Variants in KDM4C observed in about 807,000 individuals in gnomAD.
KDM4C encodes lysine demethylase 4C, also known as lysine-specific demethylase 4C.
In KDM4C, 81 loss-of-function variants were observed where a neutral mutation model predicts 129.3. The ratio of observed to expected loss-of-function variants is 0.63; its 90% CI spans 0.52 to 0.75. KDM4C has a LOEUF of 0.75. KDM4C is among the 30% of genes least tolerant of loss of function. The probability of loss-of-function intolerance (pLI) is 0.00; values close to 1 mark genes in which losing one functional copy is unlikely to be tolerated. For missense variants in KDM4C, 1,457 were observed against 1,304.0 expected, an observed-to-expected ratio of 1.12 and a Z score of -1.81; for synonymous variants, 573 against 456.1, an observed-to-expected ratio of 1.26 and a Z score of -3.26.
intron 4 of KDM4C, among the ~76,000 whole-genome samples, chr9:6,829,113 A>G (rs1470371095): frequency 6.6e-6 from 1 of 152,210 alleles, no homozygotes; most frequent in Non-Finnish European, 1.5e-5. Flanking sequence ...TTAGCTTGAG[A>G]GTCATGAATG....
At chr9:6,727,804 A>T (rs1588032609) in intron 1 of KDM4C, among the ~76,000 whole-genome samples, 1 of 148,598 alleles carries the variant, frequency 6.7e-6, no homozygotes, top group Non-Finnish European at 1.5e-5. Flanking sequence ...TACTCATAAG[A>T]TTTCAGGGTG....
intron 15 of KDM4C, among the ~76,000 whole-genome samples, chr9:7,019,941 T>C (rs1824485457): frequency 6.6e-6 from 1 of 151,674 alleles, no homozygotes; most frequent in Admixed American, 6.6e-5. Flanking sequence ...ATAGATCAGC[T>C]CTCTTTTTAT....
intron 4 of KDM4C, chr9:6,835,146 C>T (rs918668827): frequency 7.2e-6 from 7 of 974,590 alleles, no homozygotes; most frequent in African/African-American, 4.8e-5. Context: ...TGGCGGCTTC[C>T]AGCTCCTCCC....
chr9:7,162,142 G>A (rs780538062), intron 19 of KDM4C, among the ~76,000 whole-genome samples: 1 of 152,140 alleles, frequency 6.6e-6, no homozygotes, highest in Non-Finnish European at 1.5e-5. Flanking sequence ...GATGAGAATC[G>A]TGCCCCCTGG....
At chr9:7,026,807 G>A (rs796856737) in intron 15 of KDM4C, among the ~76,000 whole-genome samples, 10 of 151,844 alleles carry the variant, frequency 6.6e-5, no homozygotes, top group African/African-American at 1.9e-4. Context: ...CTCTCATTGT[G>A]TATTTTCAAA....
In KDM4C at chr9:7,129,550, G is replaced by C. The variant is rs73403355; in HGVS notation, c.2781+1314G>C. Reference sequence around the variant, plus strand: ...AGTCATCCCTTCAAGCACTCAATCTGCATTCACTGAATACCTGCTGTGTGT... The same window carrying C: ...AGTCATCCCTTCAAGCACTCAATCTCCATTCACTGAATACCTGCTGTGTGT... On this transcript the variant is annotated intron_variant, in intron 19 of 21. Coordinates refer to ENST00000381309, the MANE Select transcript of KDM4C (RefSeq NM_015061.6). Among the ~76,000 whole-genome samples the C allele has an allele frequency of 7.3e-3, 1,104 of 152,102 alleles. 12 individuals are homozygous for C. The highest frequency in any genetic ancestry group is 0.025 in the African/African-American group (1,029 of 41,494).
intron 8 of KDM4C, among the ~76,000 whole-genome samples, chr9:6,965,345 TTATA>T (rs919459072): frequency 7.2e-5 from 11 of 151,742 alleles, no homozygotes; most frequent in African/African-American, 2.7e-4. Flanking sequence ...AATTATAAAT[TTATA>T]TATAGAGAGA....
At chr9:6,926,053 T>C (rs1822448795) in intron 8 of KDM4C, among the ~76,000 whole-genome samples, 1 of 151,998 alleles carries the variant, frequency 6.6e-6, no homozygotes, top group Non-Finnish European at 1.5e-5. Flanking sequence ...TAAAAGCTTG[T>C]GGTCAGTGAA....
chr9:6,746,959 T>C (rs1345009661), intron 1 of KDM4C, among the ~76,000 whole-genome samples: 2 of 131,084 alleles, frequency 1.5e-5, no homozygotes, highest in Non-Finnish European at 3.1e-5. Context: ...TGAGCCGAGA[T>C]TGCCACTGAA....
At chr9:7,033,143 ATTT>A (rs539641712) in intron 15 of KDM4C, among the ~76,000 whole-genome samples, 150 of 137,292 alleles carry the variant, frequency 1.1e-3, no homozygotes, top group Non-Finnish European at 2.0e-3. Context: ...TTTATGCTGG[ATTT>A]TTTTTTTTTT....
intron 2 of KDM4C, among the ~76,000 whole-genome samples, chr9:6,804,150 A>C (rs117553483): frequency 6.6e-6 from 1 of 152,148 alleles, no homozygotes; most frequent in African/African-American, 2.4e-5. Context: ...AATCCTATCA[A>C]TATGTATTTT....
At chr9:7,063,365 A>G (rs1217193083) in intron 17 of KDM4C, among the ~76,000 whole-genome samples, 2 of 152,224 alleles carry the variant, frequency 1.3e-5, no homozygotes, top group Non-Finnish European at 2.9e-5. Flanking sequence ...CTTCCCCATA[A>G]GAACAAAGAG....
In KDM4C at chr9:6,975,898, C is replaced by T. The variant is rs545529182; in HGVS notation, c.922-5027C>T. Among the ~76,000 whole-genome samples the T allele has an allele frequency of 1.7e-4, 26 of 152,200 alleles. 1 individual carries two copies. Among genetic ancestry groups the T allele is most frequent in the Admixed American group, 1.3e-3 (20 of 15,296 alleles). The stretch of plus-strand genomic sequence containing the variant: ...ACTAAAAATACAAAAATTAGCCGAG[C>T]GTGGTGGCACATGCCTGTGATCCCA... On this transcript the variant is annotated intron_variant, in intron 8 of 21. Coordinates refer to ENST00000381309, the MANE Select transcript of KDM4C (RefSeq NM_015061.6).
chr9:6,982,685 C>T (rs1311677092), intron 9 of KDM4C: 1 of 152,222 alleles, frequency 6.6e-6, no homozygotes, highest in African/African-American at 2.4e-5. Context: ...TCAGAATACA[C>T]ACCAGGAGAA....
chr9:6,824,638 CAAA>C (rs144032826), intron 4 of KDM4C, among the ~76,000 whole-genome samples: 1 of 127,068 alleles, frequency 7.9e-6, no homozygotes, highest in Admixed American at 7.9e-5. Context: ...GACTCCGTCT[CAAA>C]AAAAAAAAAA....
chr9:6,875,849 C>G (rs1843467111), intron 5 of KDM4C, among the ~76,000 whole-genome samples: 1 of 152,186 alleles, frequency 6.6e-6, no homozygotes, highest in African/African-American at 2.4e-5. Context: ...CAGCACCTAT[C>G]TCCTGAATTG....
intron 8 of KDM4C, chr9:6,925,572 T>C: frequency 4.1e-6 from 4 of 985,034 alleles, no homozygotes; most frequent in Non-Finnish European, 4.8e-6. Context: ...CTGGTACAAG[T>C]GGGAGCCACC....
chr9:6,762,182 T>C (rs1420899875), intron 1 of KDM4C, among the ~76,000 whole-genome samples: 3 of 152,118 alleles, frequency 2.0e-5, no homozygotes, highest in Non-Finnish European at 4.4e-5. Flanking sequence ...ATGTGCCATG[T>C]TGGTTTGCTG....
rs986302242 is a variant in KDM4C, at chr9:6,972,202, A to G, written c.922-8723A>G. On this transcript the variant is annotated intron_variant, in intron 8 of 21. Coordinates refer to ENST00000381309, the MANE Select transcript of KDM4C (RefSeq NM_015061.6). The stretch of plus-strand genomic sequence containing the variant: ...CCTTGATCTCTTACTCACTCCATCT[A>G]TTTAGGGGGGAGCCATTTCCTATTT... 2.0e-5 allele frequency among the ~76,000 whole-genome samples: 3 copies of G among 152,034 alleles called. No homozygotes were observed. In the East Asian group the frequency reaches 5.8e-4, roughly 29 times the overall value.
Sources: gnomAD v4.1 joint callset for allele counts (sites outside exome capture counted in the v4.1 genomes callset) on GRCh38, gnomAD v4.1.1 for gene constraint, MANE v1.5 for transcripts, NCBI Gene and HGNC (gene_info 2026-07-23, HGNC 2026-07-21) for gene names.